ENTPD6: variants seen among roughly 807,000 people sequenced by gnomAD.
ENTPD6 encodes the protein ectonucleoside triphosphate diphosphohydrolase 6, also known as CD39 antigen-like 2.
A neutral mutation model predicts 61.5 loss-of-function variants in ENTPD6; 46 were observed. The ratio of observed to expected loss-of-function variants is 0.75; its 90% confidence interval spans 0.59 to 0.96. ENTPD6 has a LOEUF of 0.96. Among genes scored for constraint, ENTPD6 ranks in the 40% least tolerant of loss-of-function variants. The pLI is 0.00. For synonymous variants in ENTPD6, 252 were observed against 255.5 expected, an observed-to-expected ratio of 0.99 and a Z score of 0.13; for missense variants, 612 against 629.0, an observed-to-expected ratio of 0.97 and a Z score of 0.29.
intron 7 of ENTPD6, 149 bp from the exon 8 acceptor site, chr20:25,216,499 A>T: frequency 1.6e-6 from 1 of 619,312 alleles, no homozygotes; most frequent in Middle Eastern, 2.7e-4. Context: ...CCTTAGATAT[A>T]TAGTGTACCC....
chr20:25,201,174 A>T (rs1182311901), intron 1 of ENTPD6, among the ~76,000 whole-genome samples: 1 of 152,168 alleles, frequency 6.6e-6, no homozygotes, highest in East Asian at 1.9e-4. Flanking sequence ...ACTGGAAAAG[A>T]TGCTTTGTAT....
At chr20:25,197,516 A>G (rs1019490038) in intron 1 of ENTPD6, among the ~76,000 whole-genome samples, 5 of 152,164 alleles carry the variant, frequency 3.3e-5, no homozygotes, top group African/African-American at 9.7e-5. Flanking sequence ...GTCAGGGAGA[A>G]CCTGATCAAC....
Position 25,221,269 on chromosome 20 carries a change from TC to T in ENTPD6, c.984del (p.Ser329ValfsTer46). 6.2e-7 allele frequency: 1 copy of T among 1,614,168 alleles called. No individual in the cohort carries two copies. The highest frequency in any genetic ancestry group is 8.5e-7 in the Non-Finnish European group (1 of 1,180,008). On this transcript the variant is annotated frameshift_variant, in exon 11 of 15. Transcript: ENST00000376652. LOFTEE classifies it high-confidence loss of function. ...AGGAGTTGGTCAGCCCTTGCTTGTC[TC>T]CCAGTTTCAAAGGAGAGTGGGAACA... is the stretch of plus-strand genomic sequence containing the variant. ...GKELVSPCLS[P>X]SFKGEWEHAE...
At chr20:25,224,900 C>G (rs1032480180) in intron 13 of ENTPD6, 5 of 409,558 alleles carry the variant, frequency 1.2e-5, no homozygotes, top group Non-Finnish European at 1.7e-5. Context: ...TTTTATGCAG[C>G]TTGACACCTG....
intron 12 of ENTPD6, 135 bp downstream of exon 12, chr20:25,223,113 G>A (rs376077608): frequency 4.9e-6 from 5 of 1,016,232 alleles, no homozygotes; most frequent in Non-Finnish European, 7.0e-6. Flanking sequence ...GAGGCCAGAA[G>A]CAGATTTGAG....
intron 10 of ENTPD6, among the ~76,000 whole-genome samples, chr20:25,219,469 GT>G (rs1178589300): frequency 2.6e-5 from 4 of 152,252 alleles, no homozygotes. Context: ...GAGACATGGA[GT>G]TGACCTGGGG....
intron 4 of ENTPD6, among the ~76,000 whole-genome samples, chr20:25,212,698 T>G (rs994832041): frequency 2.6e-5 from 4 of 151,784 alleles, no homozygotes; most frequent in Non-Finnish European, 4.4e-5. Context: ...TATAAGAAGT[T>G]TTTTTTTGTT....
At position 25,218,631 on chromosome 20, in the gene ENTPD6, C is replaced by T; in HGVS notation, c.943+17C>T. The stretch of plus-strand genomic sequence containing the variant: ...GGCAGCCTGGTGAGTGGACATGTTG[C>T]CCCGGGCCCACTTTCACAGCCTCTG... On this transcript the variant is annotated intron_variant, in intron 10 of 14. Coordinates refer to ENST00000376652, the MANE Select transcript of ENTPD6 (RefSeq NM_001247.5). 1.3e-6 allele frequency: 2 copies of T among 1,588,880 alleles called. No individual in the cohort carries two copies. The highest frequency in any genetic ancestry group is 2.3e-5 in the South Asian group (2 of 87,424).
intron 1 of ENTPD6, among the ~76,000 whole-genome samples, chr20:25,199,184 A>G (rs949934976): frequency 6.6e-6 from 1 of 152,170 alleles, no homozygotes; most frequent in East Asian, 1.9e-4. Context: ...AACCAGAGCC[A>G]GAGGGGCCTA....
In ENTPD6 at chr20:25,209,967, G is replaced by GT. The variant is rs768200669; in HGVS notation, c.453+43dup. ...GTGTCTCCCTGTTCAACTGCAGAAT[G>GT]TGTTCAAGCCAGTTCTTTTCCTTTG... On this transcript the variant is annotated intron_variant, in intron 4 of 14. Coordinates refer to ENST00000376652, the MANE Select transcript of ENTPD6 (RefSeq NM_001247.5). The GT allele has an allele frequency of 9.2e-6, 14 of 1,517,448 alleles. No individual in the cohort carries two copies. The East Asian group carries it at 1.1e-4, about 12-fold the overall frequency. The allele number at this position is 1,517,448 out of a possible 1,614,324, so 94.0% of individuals were successfully genotyped here. A position where few individuals can be genotyped will look rare whatever the true frequency, so the allele number is the denominator to read the frequency against.
In ENTPD6 at chr20:25,225,531, C is replaced by T; in HGVS notation, c.1389C>T (p.Ser463=). 19 of 1,614,084 alleles carry T rather than the reference C, an allele frequency of 1.2e-5. No individual in the cohort carries two copies. Among genetic ancestry groups the T allele is most frequent in the Non-Finnish European group, 1.6e-5 (19 of 1,179,976 alleles). ...LTRKIDNVET[S]WALGAIFHYI... The stretch of plus-strand genomic sequence containing the variant: ...GGAAAATTGACAATGTTGAGACCAG[C>T]TGGGCTCTGGGGGCCATTTTTCATT... The change falls in exon 15 of 15, where the codon AGC becomes AGT. Residue 463 remains serine (S), a synonymous_variant. Coordinates refer to ENST00000376652, the MANE Select transcript of ENTPD6 (RefSeq NM_001247.5).
At position 25,214,204 on chromosome 20, in the gene ENTPD6, T is replaced by C. The variant is rs978700845; in HGVS notation, c.598-663T>C. 2.0e-5 allele frequency among the ~76,000 whole-genome samples: 3 copies of C among 152,156 alleles called. No individual in the cohort carries two copies. The South Asian group carries it at 6.2e-4, about 32-fold the overall frequency. ...GGTCCTCCTCACCCTCCGTGCTGCCTCCACTCATTTACCTGCAGGAGGAGG... is the reference window on the plus strand; with the variant it reads ...GGTCCTCCTCACCCTCCGTGCTGCCCCCACTCATTTACCTGCAGGAGGAGG... On this transcript the variant is annotated intron_variant, in intron 5 of 14. Coordinates refer to ENST00000376652, the MANE Select transcript of ENTPD6 (RefSeq NM_001247.5).
Position 25,224,039 on chromosome 20 carries a change from C to G in ENTPD6, c.1187-62C>G, listed in dbSNP as rs899787013. On this transcript the variant is annotated intron_variant, in intron 12 of 14. Coordinates refer to ENST00000376652, the MANE Select transcript of ENTPD6 (RefSeq NM_001247.5). ...GCTGGCGTTCCCCGTGCCAGCCTCA[C>G]GTCTCAGTGGCATCGCCAACCTCAC... is the stretch of plus-strand genomic sequence containing the variant. 12 of 1,515,184 alleles carry G rather than the reference C, an allele frequency of 7.9e-6. No individual in the cohort carries two copies. In the Admixed American group the frequency reaches 1.9e-4, roughly 24 times the overall value. The allele number at this position is 1,515,184 out of a possible 1,614,324, so 93.9% of individuals were successfully genotyped here.
intron 3 of ENTPD6, among the ~76,000 whole-genome samples, chr20:25,209,515 C>G (rs1279412843): frequency 1.3e-5 from 2 of 151,482 alleles, no homozygotes; most frequent in South Asian, 2.1e-4. Context: ...CCCAAAAGTT[C>G]AAGACCAGCC....
At chr20:25,211,551 G>T (rs1353818679) in intron 4 of ENTPD6, among the ~76,000 whole-genome samples, 3 of 152,222 alleles carry the variant, frequency 2.0e-5, no homozygotes, top group Non-Finnish European at 4.4e-5. Flanking sequence ...CACACCCACG[G>T]TGGTGTCCAC....
At chr20:25,208,128 C>G (rs959978086) in intron 3 of ENTPD6, among the ~76,000 whole-genome samples, 2 of 152,238 alleles carry the variant, frequency 1.3e-5, no homozygotes, top group Non-Finnish European at 2.9e-5. Context: ...CTTGGCTGAC[C>G]TGGAACCTGT....
At chr20:25,217,901 CCCGCCTCCT>C in intron 9 of ENTPD6, among the ~76,000 whole-genome samples, 1 of 150,614 alleles carries the variant, frequency 6.6e-6, no homozygotes, top group South Asian at 2.1e-4. Flanking sequence ...TCCTCCTCCT[CCCGCCTCCT>C]CTGTCCTCCT....
In ENTPD6 at chr20:25,222,297, A is replaced by T. The variant is rs549287331; in HGVS notation, c.1046-541A>T. The T allele has an allele frequency of 9.7e-5, 15 of 155,294 alleles. No individual in the cohort carries two copies. The East Asian group carries it at 1.7e-3, about 18-fold the overall frequency. 9.6% of individuals were successfully genotyped at this position (155,294 alleles called of 1,614,324 possible). ...CACTCGGAAGGATGGGGCCTGGTGG[A>T]GGAGGACTGGGAAAGCCGGGAAGCT... On this transcript the variant is annotated intron_variant, in intron 11 of 14. Transcript: ENST00000376652.
intron 1 of ENTPD6, among the ~76,000 whole-genome samples, chr20:25,205,813 C>T (rs2122680141): frequency 6.6e-6 from 1 of 152,354 alleles, no homozygotes; most frequent in Middle Eastern, 3.4e-3. Flanking sequence ...GGATATCCAG[C>T]TGTGGCCACA....
Sources: allele counts gnomAD v4.1 joint callset (sites outside exome capture counted in the v4.1 genomes callset), GRCh38; gene constraint gnomAD v4.1.1; transcripts MANE v1.5; gene names NCBI Gene and HGNC (gene_info 2026-07-23, HGNC 2026-07-21).